Variants in ANTXR2 observed in about 807,000 individuals in gnomAD.
ANTXR2 encodes the protein anthrax toxin receptor 2.
In ANTXR2, 44 loss-of-function variants were observed where a neutral mutation model predicts 73.7. That is an observed-to-expected ratio of 0.60 (90% confidence interval 0.47 to 0.77). ANTXR2 has a LOEUF of 0.77. Ranked by LOEUF, ANTXR2 falls within the 30% of genes least tolerant of loss-of-function variation. ANTXR2 has a pLI of 0.00. For synonymous variants in ANTXR2, 217 were observed against 205.9 expected (o/e 1.05, Z -0.46); for missense variants, 604 against 592.5 (o/e 1.02, Z -0.20).
At chr4:80,040,545 A>G (rs1290403181) in intron 7 of ANTXR2, among the ~76,000 whole-genome samples, 1 of 152,120 alleles carries the variant, frequency 6.6e-6, no homozygotes, top group African/African-American at 2.4e-5. Flanking sequence ...TGTCATCATT[A>G]TGTTTCAATA....
chr4:79,916,614 TTACTGGTG>T (rs1727365282), intron 16 of ANTXR2, among the ~76,000 whole-genome samples: 1 of 152,112 alleles, frequency 6.6e-6, no homozygotes, highest in South Asian at 2.1e-4. Flanking sequence ...TATTGTAGCA[TTACTGGTG>T]TTAACAAGAA....
At chr4:80,061,624 T>C (rs1367414839) in intron 3 of ANTXR2, among the ~76,000 whole-genome samples, 1 of 152,132 alleles carries the variant, frequency 6.6e-6, no homozygotes, top group Non-Finnish European at 1.5e-5. Context: ...AACGAAAATG[T>C]TCTCAAGATG....
At position 79,902,897 on chromosome 4, in the gene ANTXR2, T is replaced by A. The variant is rs1262311729; in HGVS notation, c.*4532A>T. On this transcript the variant is annotated 3_prime_UTR_variant, in exon 17 of 17. Transcript: ENST00000403729. ...CTGGTGCAGTAGCTTGTGCCTGTAATCACAGCATTTGGGAGACTGAGGCAG... is the reference window on the plus strand; with the variant it reads ...CTGGTGCAGTAGCTTGTGCCTGTAAACACAGCATTTGGGAGACTGAGGCAG... 1.3e-5 allele frequency: 2 copies of A among 152,050 alleles called. No homozygotes were observed. Among genetic ancestry groups the A allele is most frequent in the African/African-American group, 4.8e-5 (2 of 41,398 alleles). The allele number at this position is 152,050 out of a possible 1,614,324, so 9.4% of individuals were successfully genotyped here. A position where few individuals can be genotyped will look rare whatever the true frequency, so the allele number is the denominator to read the frequency against.
chr4:80,025,582 T>C (rs1732391573), intron 10 of ANTXR2, among the ~76,000 whole-genome samples: 2 of 152,166 alleles, frequency 1.3e-5, no homozygotes, highest in South Asian at 2.1e-4. Flanking sequence ...ATTACAATTA[T>C]GGTGACTTAA....
intron 16 of ANTXR2, among the ~76,000 whole-genome samples, chr4:79,946,350 C>G (rs1031608834): frequency 6.6e-6 from 1 of 152,122 alleles, no homozygotes; most frequent in African/African-American, 2.4e-5. Context: ...TCAGAAACAA[C>G]CCATTTCTGT....
At chr4:80,052,136 G>A (rs1271243239) in intron 7 of ANTXR2, among the ~76,000 whole-genome samples, 1 of 151,304 alleles carries the variant, frequency 6.6e-6, no homozygotes, top group African/African-American at 2.4e-5. Context: ...TCTTCTATTG[G>A]CTTAGCTTTA....
intron 10 of ANTXR2, among the ~76,000 whole-genome samples, chr4:80,030,547 C>T (rs910797896): frequency 1.3e-5 from 2 of 151,946 alleles, no homozygotes; most frequent in East Asian, 1.9e-4. Context: ...ATACAGAAAA[C>T]GAATAATACT....
intron 3 of ANTXR2, among the ~76,000 whole-genome samples, chr4:80,061,276 G>A (rs1330267693): frequency 1.8e-5 from 2 of 113,756 alleles, no homozygotes; most frequent in African/African-American, 6.0e-5. Flanking sequence ...AAAAGTGTGT[G>A]TGTGCCTCTG....
At chr4:79,917,331 C>T (rs1191538023) in intron 16 of ANTXR2, among the ~76,000 whole-genome samples, 1 of 152,106 alleles carries the variant, frequency 6.6e-6, no homozygotes, top group Non-Finnish European at 1.5e-5. Context: ...AAAAAATAGC[C>T]CTGAGGGACC....
At chr4:79,928,705 T>C (rs1727931135) in intron 16 of ANTXR2, among the ~76,000 whole-genome samples, 1 of 152,126 alleles carries the variant, frequency 6.6e-6, no homozygotes, top group Non-Finnish European at 1.5e-5. Context: ...ATTTACTAAA[T>C]TCTTTTAAAA....
intron 11 of ANTXR2, among the ~76,000 whole-genome samples, chr4:80,010,470 A>T (rs1348969681): frequency 6.6e-6 from 1 of 152,208 alleles, no homozygotes; most frequent in Admixed American, 6.5e-5. Context: ...GGATCCAGCC[A>T]CAGCACTCAT....
At chr4:79,915,952 C>G (rs1430993222) in intron 16 of ANTXR2, among the ~76,000 whole-genome samples, 1 of 151,480 alleles carries the variant, frequency 6.6e-6, no homozygotes, top group Non-Finnish European at 1.5e-5. Flanking sequence ...ATTCCACATA[C>G]TCTTTTCTAA....
intron 3 of ANTXR2, among the ~76,000 whole-genome samples, chr4:80,068,173 T>TC (rs1734598034): frequency 6.6e-6 from 1 of 152,234 alleles, no homozygotes; most frequent in African/African-American, 2.4e-5. Flanking sequence ...ATAAGTTCTC[T>TC]CCCCCAGTTC....
At chr4:79,997,155 GC>G (rs1443204577) in intron 12 of ANTXR2, among the ~76,000 whole-genome samples, 1 of 151,634 alleles carries the variant, frequency 6.6e-6, no homozygotes, top group Non-Finnish European at 1.5e-5. Context: ...GGCATTCTTT[GC>G]GCTAAAAAAT....
intron 11 of ANTXR2, among the ~76,000 whole-genome samples, chr4:80,014,783 C>T (rs866584306): frequency 6.6e-6 from 1 of 152,112 alleles, no homozygotes; most frequent in Non-Finnish European, 1.5e-5. Context: ...AGAAACCTAA[C>T]ATCAGTGGTG....
chr4:79,947,038 A>C (rs1355569607), intron 16 of ANTXR2, among the ~76,000 whole-genome samples: 1 of 152,192 alleles, frequency 6.6e-6, no homozygotes, highest in Non-Finnish European at 1.5e-5. Context: ...TCTTTTGGCC[A>C]GAAGCAAATA....
chr4:79,945,220 T>G (rs1478305065), intron 16 of ANTXR2, among the ~76,000 whole-genome samples: 1 of 152,034 alleles, frequency 6.6e-6, no homozygotes, highest in Non-Finnish European at 1.5e-5. Context: ...GGTTAAGCAA[T>G]ATGTACAAAA....
chr4:79,923,158 T>C (rs1453555552), intron 16 of ANTXR2, among the ~76,000 whole-genome samples: 3 of 152,084 alleles, frequency 2.0e-5, no homozygotes, highest in Non-Finnish European at 4.4e-5. Flanking sequence ...AGGTAGTCAA[T>C]AGCTATCTAA....
At chr4:80,051,526 T>C (rs1351329568) in intron 7 of ANTXR2, among the ~76,000 whole-genome samples, 1 of 151,690 alleles carries the variant, frequency 6.6e-6, no homozygotes, top group Non-Finnish European at 1.5e-5. Flanking sequence ...CAAACCTTCA[T>C]ATGCAACTAG....
Sources: allele counts gnomAD v4.1 joint callset (sites outside exome capture counted in the v4.1 genomes callset), GRCh38; gene constraint gnomAD v4.1.1; transcripts MANE v1.5; gene names NCBI Gene and HGNC (gene_info 2026-07-23, HGNC 2026-07-21).